The following CCSER1 variants were observed in gnomAD, a reference collection of about 807,000 sequenced individuals.
CCSER1 encodes serine-rich coiled-coil domain-containing protein 1.
In CCSER1, 41 loss-of-function variants were observed where a neutral mutation model predicts 82.0. The ratio of observed to expected loss-of-function variants is 0.50; its 90% CI spans 0.39 to 0.65. CCSER1 has a LOEUF of 0.65. Ranked by LOEUF, CCSER1 falls within the 30% of genes least tolerant of loss-of-function variation. The pLI, the probability that CCSER1 is intolerant of heterozygous loss-of-function variation, is 0.00. For synonymous variants in CCSER1, 414 were observed against 383.9 expected (o/e 1.08, Z -0.92); for missense variants, 1,119 against 1,064.2 (o/e 1.05, Z -0.72).
intron 9 of CCSER1, among the ~76,000 whole-genome samples, chr4:90,957,850 T>C (rs992261035): frequency 6.6e-6 from 1 of 151,354 alleles, no homozygotes; most frequent in African/African-American, 2.4e-5. Flanking sequence ...TTATCACATA[T>C]TGACATAAAA....
intron 4 of CCSER1, among the ~76,000 whole-genome samples, chr4:90,460,277 A>T (rs1401347117): frequency 1.5e-5 from 2 of 133,770 alleles, no homozygotes; most frequent in Non-Finnish European, 3.0e-5. Flanking sequence ...GTGAGTCGAG[A>T]TCGCGCCACT....
intron 4 of CCSER1, among the ~76,000 whole-genome samples, chr4:90,449,698 A>C (rs1277106497): frequency 6.6e-6 from 1 of 152,242 alleles, no homozygotes; most frequent in African/African-American, 2.4e-5. Flanking sequence ...AACAGTTGTC[A>C]GGCTTGGCAA....
intron 10 of CCSER1, among the ~76,000 whole-genome samples, chr4:91,463,099 G>A (rs1209986511): frequency 6.6e-6 from 1 of 152,164 alleles, no homozygotes; most frequent in Non-Finnish European, 1.5e-5. Context: ...CTAACTGGGA[G>A]GCACCCCCCA....
At chr4:90,566,030 GT>G (rs1464701477) in intron 5 of CCSER1, among the ~76,000 whole-genome samples, 2 of 143,648 alleles carry the variant, frequency 1.4e-5, no homozygotes, top group African/African-American at 5.1e-5. Flanking sequence ...GCTAATTTTT[GT>G]ATTTTTTTTT....
chr4:91,243,679 C>T (rs1236090739), intron 10 of CCSER1, among the ~76,000 whole-genome samples: 2 of 152,198 alleles, frequency 1.3e-5, no homozygotes, highest in African/African-American at 4.8e-5. Context: ...AAAGCAACCT[C>T]TGCTTTGAAG....
intron 6 of CCSER1, among the ~76,000 whole-genome samples, chr4:90,713,462 A>G (rs2149335020): frequency 6.6e-6 from 1 of 152,082 alleles, no homozygotes; most frequent in African/African-American, 2.4e-5. Flanking sequence ...AGGATGCTGA[A>G]TATTGGCCCC....
At chr4:90,849,323 T>G (rs1398695650) in intron 8 of CCSER1, among the ~76,000 whole-genome samples, 5 of 152,188 alleles carry the variant, frequency 3.3e-5, no homozygotes, top group Admixed American at 3.3e-4. Flanking sequence ...AGATCACTCT[T>G]GCTGTACAAA....
chr4:91,582,823 A>T (rs1011772278), intron 10 of CCSER1, among the ~76,000 whole-genome samples: 1 of 151,478 alleles, frequency 6.6e-6, no homozygotes, highest in Non-Finnish European at 1.5e-5. Flanking sequence ...AACATATGAC[A>T]TGCATGTTAT....
rs183706582 is a variant in CCSER1 at position 91,572,847 on chromosome 4, G to C, written c.2218-25725G>C. On this transcript the variant is annotated intron_variant, in intron 10 of 10. Transcript: ENST00000509176. ...AAAAGAAGAAGCCTGTCCATTTCTT[G>C]GTAGAGCAGCTGTGCTGTACTTAGG... Among the ~76,000 whole-genome samples, 412 of 151,676 alleles carry C rather than the reference G, an allele frequency of 2.7e-3. 1 individual carries two copies. Among genetic ancestry groups the C allele is most frequent in the African/African-American group, 9.5e-3 (393 of 41,372 alleles).
intron 10 of CCSER1, among the ~76,000 whole-genome samples, chr4:91,405,425 A>G (rs1752635049): frequency 6.6e-6 from 1 of 152,222 alleles, no homozygotes; most frequent in South Asian, 2.1e-4. Context: ...TAAAATACCA[A>G]AAGCAACAGT....
intron 10 of CCSER1, among the ~76,000 whole-genome samples, chr4:91,249,663 T>C (rs1459004913): frequency 6.6e-6 from 1 of 152,294 alleles, no homozygotes; most frequent in East Asian, 1.9e-4. Flanking sequence ...AGTTTTCATC[T>C]TTTCCAGAAA....
At chr4:91,309,199 C>T (rs1464215155) in intron 10 of CCSER1, among the ~76,000 whole-genome samples, 1 of 152,158 alleles carries the variant, frequency 6.6e-6, no homozygotes, top group Admixed American at 6.6e-5. Flanking sequence ...TTACAACCAC[C>T]TGTCCAGACA....
At chr4:90,208,492 C>G (rs764765259) in intron 1 of CCSER1, among the ~76,000 whole-genome samples, 43 of 151,628 alleles carry the variant, frequency 2.8e-4, no homozygotes, top group Non-Finnish European at 5.7e-4. Context: ...GGCTTCAGCC[C>G]CTCTTTCCAG....
At chr4:90,256,178 T>C (rs570259883) in intron 1 of CCSER1, among the ~76,000 whole-genome samples, 25 of 152,302 alleles carry the variant, frequency 1.6e-4, no homozygotes, top group African/African-American at 5.3e-4. Flanking sequence ...GTTATTTGAG[T>C]AATGGAGGAG....
intron 7 of CCSER1, among the ~76,000 whole-genome samples, chr4:90,791,225 G>A (rs77548336): frequency 1.3e-5 from 2 of 152,192 alleles, no homozygotes; most frequent in Non-Finnish European, 2.9e-5. Context: ...CCTCCCACTG[G>A]GTCTTTCCCA....
At chr4:91,294,442 A>C (rs915634120) in intron 10 of CCSER1, among the ~76,000 whole-genome samples, 2 of 151,772 alleles carry the variant, frequency 1.3e-5, no homozygotes, top group African/African-American at 2.4e-5. Context: ...CTTATTGACT[A>C]TCTGCTTGTC....
intron 10 of CCSER1, among the ~76,000 whole-genome samples, chr4:91,562,160 A>G (rs575222498): frequency 4.2e-4 from 63 of 151,644 alleles, no homozygotes; most frequent in Non-Finnish European, 7.4e-4. Context: ...TCTTTTGTCA[A>G]TCACTGAAAT....
chr4:90,174,277 C>G (rs953803382), intron 1 of CCSER1, among the ~76,000 whole-genome samples: 1 of 151,770 alleles, frequency 6.6e-6, no homozygotes, highest in African/African-American at 2.4e-5. Context: ...GTAAAGCATA[C>G]AAAAAGTTTA....
At chr4:91,051,920 T>C (rs2148711031) in intron 9 of CCSER1, among the ~76,000 whole-genome samples, 1 of 152,200 alleles carries the variant, frequency 6.6e-6, no homozygotes, top group South Asian at 2.1e-4. Context: ...TCTTCTGCAT[T>C]AATATTATAG....
Sources: gnomAD v4.1 joint callset for allele counts (sites outside exome capture counted in the v4.1 genomes callset) on GRCh38, gnomAD v4.1.1 for gene constraint, MANE v1.5 for transcripts, NCBI Gene and HGNC (gene_info 2026-07-23, HGNC 2026-07-21) for gene names.